SREBF2: variants seen among roughly 807,000 people sequenced by gnomAD.
SREBF2 encodes sterol regulatory element-binding protein 2.
SREBF2 carries 55 observed loss-of-function variants against 113.1 expected under a neutral mutation model. The observed-to-expected ratio is 0.49, with a 90% CI of 0.39 to 0.61. The LOEUF (loss-of-function observed/expected upper bound fraction) is 0.61, where lower values mean the gene tolerates loss of function less well. SREBF2 is among the 20% of genes least tolerant of loss of function. The probability of loss-of-function intolerance (pLI) is 0.00; values close to 1 mark genes in which losing one functional copy is unlikely to be tolerated. For missense variants in SREBF2, 1,349 were observed against 1,487.4 expected (o/e 0.91, Z 1.53); for synonymous variants, 593 against 605.7 (o/e 0.98, Z 0.31).
intron 5 of SREBF2, among the ~76,000 whole-genome samples, chr22:41,874,640 G>C (rs1371795980): frequency 6.6e-6 from 1 of 152,238 alleles, no homozygotes; most frequent in Non-Finnish European, 1.5e-5. Context: ...AGGCACTGTG[G>C]CTTACGCCTG....
At chr22:41,905,212 C>T (rs2077496961) in intron 18 of SREBF2, among the ~76,000 whole-genome samples, 1 of 152,200 alleles carries the variant, frequency 6.6e-6, no homozygotes, top group African/African-American at 2.4e-5. Context: ...CAGGTGCAGG[C>T]ATAGAAGCAG....
intron 10 of SREBF2, 37 bp downstream of exon 10, chr22:41,881,029 G>T (rs757737120): frequency 1.3e-6 from 2 of 1,596,854 alleles, no homozygotes; most frequent in East Asian, 4.5e-5. Flanking sequence ...CTTGCTGCAA[G>T]GCATCTCATG....
rs114510105 is a variant in SREBF2, at chr22:41,896,788, G to A, written c.2496-264G>A. ...TGACACTGGACTTGGGGCTTAAGGA[G>A]AGGAGTGAGGGTAGGCTGTGGGGGA... On this transcript the variant is annotated intron_variant, in intron 13 of 18. Transcript: ENST00000361204. Among the ~76,000 whole-genome samples, 200 of 152,346 alleles carry A rather than the reference G, an allele frequency of 1.3e-3. 1 individual carries two copies. The highest frequency in any genetic ancestry group is 4.6e-3 in the African/African-American group (190 of 41,576).
At chr22:41,851,846 C>T (rs1180145624) in intron 1 of SREBF2, among the ~76,000 whole-genome samples, 4 of 151,438 alleles carry the variant, frequency 2.6e-5, no homozygotes, top group African/African-American at 7.3e-5. Context: ...AGCGGCCGGG[C>T]GCGGTGGCTC....
At chr22:41,897,215 A>G in intron 14 of SREBF2, 54 bp downstream of exon 14, 1 of 1,279,796 alleles carries the variant, frequency 7.8e-7, no homozygotes, top group East Asian at 2.4e-5. Flanking sequence ...AGGTCTTCAC[A>G]GTGCTTTTGC....
intron 3 of SREBF2, among the ~76,000 whole-genome samples, chr22:41,870,154 T>G (rs1183412722): frequency 1.3e-5 from 2 of 152,182 alleles, no homozygotes; most frequent in Non-Finnish European, 2.9e-5. Context: ...ACATCTGGCC[T>G]ATATTTTCTT....
chr22:41,884,038 T>C (rs924004746), intron 10 of SREBF2, among the ~76,000 whole-genome samples: 1 of 143,270 alleles, frequency 7.0e-6, no homozygotes, highest in Non-Finnish European at 1.5e-5. Context: ...CTTCCTGGCC[T>C]CCCACCCACT....
intron 4 of SREBF2, among the ~76,000 whole-genome samples, chr22:41,872,582 A>G (rs2077155574): frequency 6.6e-6 from 1 of 152,184 alleles, no homozygotes; most frequent in African/African-American, 2.4e-5. Flanking sequence ...TATTGAGGCC[A>G]TTATTTAAGA....
At chr22:41,872,207 G>A (rs1422269028) in intron 4 of SREBF2, among the ~76,000 whole-genome samples, 1 of 146,932 alleles carries the variant, frequency 6.8e-6, no homozygotes, top group Non-Finnish European at 1.5e-5. Flanking sequence ...CCAAGATTGC[G>A]CCACTGCACT....
At chr22:41,864,261 T>TATATATATACAC (rs1204150898) in intron 1 of SREBF2, among the ~76,000 whole-genome samples, 1 of 51,012 alleles carries the variant, frequency 2.0e-5, no homozygotes, top group Non-Finnish European at 3.6e-5. Flanking sequence ...TATATATATA[T>TATATATATACAC]ACACACACAC....
intron 16 of SREBF2, among the ~76,000 whole-genome samples, 189 bp from the exon 17 acceptor site, chr22:41,902,781 C>T (rs528668765): frequency 2.6e-4 from 40 of 152,336 alleles, no homozygotes; most frequent in African/African-American, 8.9e-4. Context: ...CTCCTGGGGC[C>T]ATGGAAGGAA....
At chr22:41,859,521 A>G (rs133280) in intron 1 of SREBF2, among the ~76,000 whole-genome samples, 92,587 of 152,040 alleles carry the variant, frequency 0.61, 29,878 homozygotes, top group African/African-American at 0.81. Flanking sequence ...CAAAATTTAT[A>G]TTATGCTCAG....
At chr22:41,895,581 G>A (rs972021371) in intron 13 of SREBF2, among the ~76,000 whole-genome samples, 7 of 151,478 alleles carry the variant, frequency 4.6e-5, no homozygotes, top group East Asian at 3.9e-4. Context: ...GATTACAGGC[G>A]CCCACCACCA....
At position 41,880,642 on chromosome 22, in the gene SREBF2, G is replaced by A. The variant is rs2077236236; in HGVS notation, c.1762-74G>A. The stretch of plus-strand genomic sequence containing the variant: ...ATTCCTCTGATAATTGGGGGCAGGG[G>A]GAGTAGAAGTCTATATCAAAACAAA... On this transcript the variant is annotated intron_variant, in intron 9 of 18. Coordinates refer to ENST00000361204, the MANE Select transcript of SREBF2 (RefSeq NM_004599.4). 5.1e-6 allele frequency: 8 copies of A among 1,575,736 alleles called. No homozygotes were observed. In the East Asian group the frequency reaches 1.6e-4, roughly 31 times the overall value.
At chr22:41,900,191 G>A in intron 15 of SREBF2, 139 bp from the exon 16 acceptor site, 6 of 1,526,168 alleles carry the variant, frequency 3.9e-6, no homozygotes, top group Non-Finnish European at 5.3e-6. Flanking sequence ...GTGGCATGGT[G>A]CCATAGTGGC....
At chr22:41,872,947 C>T (rs1299165660) in intron 4 of SREBF2, among the ~76,000 whole-genome samples, 1 of 151,938 alleles carries the variant, frequency 6.6e-6, no homozygotes, top group African/African-American at 2.4e-5. Context: ...CCTGTAATCC[C>T]AGCACTTTGG....
At chr22:41,835,374 G>A (rs369667571) in intron 1 of SREBF2, among the ~76,000 whole-genome samples, 3 of 142,310 alleles carry the variant, frequency 2.1e-5, no homozygotes, top group Non-Finnish European at 3.0e-5. Context: ...GCAATGGCGC[G>A]ATCTCGGCTC....
At chr22:41,863,983 C>G (rs1204920482) in intron 1 of SREBF2, among the ~76,000 whole-genome samples, 1 of 151,330 alleles carries the variant, frequency 6.6e-6, no homozygotes, top group African/African-American at 2.4e-5. Context: ...CTCCTGGGTT[C>G]AAGCGATTCT....
intron 1 of SREBF2, among the ~76,000 whole-genome samples, chr22:41,865,362 G>A (rs917600472): frequency 6.6e-6 from 1 of 152,050 alleles, no homozygotes; most frequent in Non-Finnish European, 1.5e-5. Context: ...GGAACGTATT[G>A]GAGAGAGAAA....
Sources: allele counts gnomAD v4.1 joint callset (sites outside exome capture counted in the v4.1 genomes callset), GRCh38; gene constraint gnomAD v4.1.1; transcripts MANE v1.5; gene names NCBI Gene and HGNC (gene_info 2026-07-23, HGNC 2026-07-21).